The following COL28A1 variants were observed in gnomAD, a reference collection of about 807,000 sequenced individuals.
COL28A1 encodes collagen alpha-1(XXVIII) chain.
In COL28A1, 161 loss-of-function variants were observed where a neutral mutation model predicts 150.2. The observed-to-expected ratio is 1.07, with a 90% CI of 0.94 to 1.22. The LOEUF (loss-of-function observed/expected upper bound fraction) is 1.22. Ranked by LOEUF, COL28A1 falls within the 50% of genes most tolerant of loss-of-function variation. The probability of loss-of-function intolerance (pLI) is 0.00; values close to 1 mark genes in which losing one functional copy is unlikely to be tolerated. For synonymous variants in COL28A1, 552 were observed against 469.7 expected, an observed-to-expected ratio of 1.18 and a Z score of -2.26; for missense variants, 1,617 against 1,388.3, an observed-to-expected ratio of 1.16 and a Z score of -2.62.
intron 15 of COL28A1, among the ~76,000 whole-genome samples, 168 bp downstream of exon 15, chr7:7,474,433 C>T (rs1788707067): frequency 6.6e-6 from 1 of 151,758 alleles, no homozygotes; most frequent in Non-Finnish European, 1.5e-5. Flanking sequence ...TCCCAAATAA[C>T]CTGTGGAAAT....
chr7:7,430,619 T>C (rs1784908129), intron 25 of COL28A1, among the ~76,000 whole-genome samples: 1 of 152,216 alleles, frequency 6.6e-6, no homozygotes, highest in African/African-American at 2.4e-5. Context: ...TAGTATATAT[T>C]TAACATATTT....
intron 30 of COL28A1, among the ~76,000 whole-genome samples, chr7:7,375,992 T>C (rs1379551205): frequency 6.6e-6 from 1 of 152,236 alleles, no homozygotes; most frequent in Non-Finnish European, 1.5e-5. Flanking sequence ...TACTAGTTCC[T>C]GATTTTTCAA....
At chr7:7,374,004 TG>T (rs1781393909) in intron 31 of COL28A1, among the ~76,000 whole-genome samples, 1 of 135,988 alleles carries the variant, frequency 7.4e-6, no homozygotes. Flanking sequence ...CGGCCCCTTC[TG>T]GTTTCTATAC....
At chr7:7,522,806 C>CAAAAAAAAAGAAAAAAAAAAA (rs1781802065) in intron 4 of COL28A1, among the ~76,000 whole-genome samples, 1 of 93,158 alleles carries the variant, frequency 1.1e-5, no homozygotes, top group Non-Finnish European at 2.0e-5. Flanking sequence ...AGCTGAAGAG[C>CAAAAAAAAAGAAAAAAAAAAA]AAAAAAAAAA....
chr7:7,477,531 G>A (rs1789000319), intron 13 of COL28A1, among the ~76,000 whole-genome samples: 1 of 152,156 alleles, frequency 6.6e-6, no homozygotes, highest in Non-Finnish European at 1.5e-5. Context: ...ATGAAGCCGC[G>A]GACCCTCGCG....
Position 7,495,989 on chromosome 7 carries a change from C to T in COL28A1, c.1027-5343G>A, listed in dbSNP as rs572743698. On this transcript the variant is annotated intron_variant, in intron 11 of 34. Coordinates refer to ENST00000399429, the MANE Select transcript of COL28A1 (RefSeq NM_001037763.3). ...CTTTTGTTGAATTCCTTGTACTTGCCTTGCTCCTCCTGCCACAGGATCTTT... is the reference window on the plus strand; with the variant it reads ...CTTTTGTTGAATTCCTTGTACTTGCTTTGCTCCTCCTGCCACAGGATCTTT... 6.9e-4 allele frequency among the ~76,000 whole-genome samples: 105 copies of T among 152,250 alleles called. 1 individual carries two copies. The South Asian group carries it at 0.021, about 31-fold the overall frequency.
chr7:7,543,366 T>A, the COL28A1 span, among the ~76,000 whole-genome samples: 1 of 152,240 alleles, frequency 6.6e-6, no homozygotes. Flanking sequence ...ATAATACTTT[T>A]CAAATACTGA....
intron 11 of COL28A1, among the ~76,000 whole-genome samples, chr7:7,499,145 G>A (rs549172946): frequency 6.6e-6 from 1 of 152,124 alleles, no homozygotes; most frequent in East Asian, 1.9e-4. Flanking sequence ...AGCAAGAATT[G>A]CTGGATTACT....
At chr7:7,432,877 CAAG>C (rs966236174) in intron 23 of COL28A1, among the ~76,000 whole-genome samples, 177 bp from the exon 24 acceptor site, 1 of 151,896 alleles carries the variant, frequency 6.6e-6, no homozygotes, top group Admixed American at 6.6e-5. Flanking sequence ...CATCGTAAAT[CAAG>C]AAGAAGTATA....
At chr7:7,515,039 G>A (rs1781345566) in intron 8 of COL28A1, among the ~76,000 whole-genome samples, 1 of 152,166 alleles carries the variant, frequency 6.6e-6, no homozygotes, top group Non-Finnish European at 1.5e-5. Context: ...GGAGGCCAGA[G>A]GAGACTCAGA....
chr7:7,424,735 G>A (rs1277535827), intron 25 of COL28A1, among the ~76,000 whole-genome samples: 2 of 151,932 alleles, frequency 1.3e-5, no homozygotes, highest in African/African-American at 4.8e-5. Flanking sequence ...AAGAATAACG[G>A]ACTGTTTAGA....
At position 7,373,509 on chromosome 7, in the gene COL28A1, C is replaced by T. The variant is rs746426996; in HGVS notation, c.2397G>A (p.Leu799=). 6.2e-7 allele frequency: 1 copy of T among 1,613,788 alleles called. No homozygotes were observed. The change falls in exon 32 of 35, where the codon CTG becomes CTA. Residue 799 remains leucine, a synonymous_variant. Coordinates refer to ENST00000399429, the MANE Select transcript of COL28A1 (RefSeq NM_001037763.3). The surrounding 1 kb of genome is among the most constrained non-coding windows in gnomAD (Gnocchi z 4.1). ...GPKCKETPLE[L]VFVIDSSESV... is the part of the protein sequence containing the mutation. ...TTTCTGAGCTGTCGATCACAAACAC[C>T]AGCTCTAGTGGAGTCTCTTTGCATT...
At chr7:7,534,628 C>T (rs1782545921) in intron 1 of COL28A1, among the ~76,000 whole-genome samples, 1 of 152,096 alleles carries the variant, frequency 6.6e-6, no homozygotes, top group Non-Finnish European at 1.5e-5. Context: ...CATAATCAAG[C>T]AACTCTTCAA....
chr7:7,400,988 GT>G (rs1402702353), intron 27 of COL28A1, among the ~76,000 whole-genome samples: 14 of 143,534 alleles, frequency 9.8e-5, no homozygotes, highest in Non-Finnish European at 1.7e-4. Flanking sequence ...GTGTGTGTGT[GT>G]GTGTGTGTGT....
chr7:7,452,210 T>C (rs1044217881), intron 18 of COL28A1, 109 bp downstream of exon 18: 1 of 1,479,320 alleles, frequency 6.8e-7, no homozygotes, highest in African/African-American at 1.5e-5. Context: ...GAGCCCATTA[T>C]GTAGAGTTAG....
At chr7:7,414,522 C>T (rs534941956) in intron 27 of COL28A1, among the ~76,000 whole-genome samples, 1 of 152,176 alleles carries the variant, frequency 6.6e-6, no homozygotes, top group Non-Finnish European at 1.5e-5. Context: ...TAAAGAGGGG[C>T]GAGCCCATCG....
intron 13 of COL28A1, among the ~76,000 whole-genome samples, chr7:7,481,124 CAA>C (rs1235828697): frequency 6.6e-6 from 1 of 152,182 alleles, no homozygotes; most frequent in East Asian, 1.9e-4. Flanking sequence ...TTAAATTAAA[CAA>C]TGTGTAAAAA....
Position 7,432,640 on chromosome 7 carries a change from C to T in COL28A1, c.1921G>A (p.Gly641Ser). 6.2e-7 allele frequency: 1 copy of T among 1,613,932 alleles called. No homozygotes were observed. The highest frequency in any genetic ancestry group is 8.5e-7 in the Non-Finnish European group (1 of 1,179,964). ...AAAAATGTCCCACTTACAGGCACAC[C>T]AGGATAGCCATCACCTTTGAGTCCT... ...APGLKGDGYPGVPGPRGLPGP... is the reference protein window; with the variant it reads ...APGLKGDGYPSVPGPRGLPGP... The change falls in exon 24 of 35, where the codon GGT (glycine) becomes AGT (serine). Residue 641 changes from glycine (G) to serine (S), a missense_variant. Transcript: ENST00000399429.
At chr7:7,427,077 TAAG>T (rs1475036883) in intron 25 of COL28A1, among the ~76,000 whole-genome samples, 3 of 152,134 alleles carry the variant, frequency 2.0e-5, no homozygotes. Flanking sequence ...TACATACTCA[TAAG>T]AAGAGAAATA....
Sources: gnomAD v4.1 joint callset for allele counts (sites outside exome capture counted in the v4.1 genomes callset) on GRCh38, gnomAD v4.1.1 for gene constraint, Gnocchi (gnomAD v3.1) non-coding constraint, MANE v1.5 for transcripts, NCBI Gene and HGNC (gene_info 2026-07-23, HGNC 2026-07-21) for gene names.